Variants in MACROD2 observed in about 807,000 individuals in gnomAD.
MACROD2 encodes mono-ADP ribosylhydrolase 2, also known as ADP-ribose glycohydrolase MACROD2.
A neutral mutation model predicts 70.4 loss-of-function variants in MACROD2; 36 were observed. That is an observed-to-expected ratio of 0.51 (90% CI 0.39 to 0.68). The LOEUF (loss-of-function observed/expected upper bound fraction) is 0.68, where lower values mean the gene tolerates loss of function less well. Ranked by LOEUF, MACROD2 falls within the 30% of genes least tolerant of loss-of-function variation. MACROD2 has a pLI of 0.00. For synonymous variants in MACROD2, 172 were observed against 178.8 expected, an observed-to-expected ratio of 0.96 and a Z score of 0.30; for missense variants, 496 against 538.4, an observed-to-expected ratio of 0.92 and a Z score of 0.78.
intron 10 of MACROD2, among the ~76,000 whole-genome samples, chr20:15,906,989 G>A (rs2065157258): frequency 6.6e-6 from 1 of 152,216 alleles, no homozygotes; most frequent in South Asian, 2.1e-4. Flanking sequence ...AGTACCCCTT[G>A]TGGGAAGGCA....
At chr20:14,455,022 T>C (rs1196787970) in intron 3 of MACROD2, among the ~76,000 whole-genome samples, 1 of 151,000 alleles carries the variant, frequency 6.6e-6, no homozygotes, top group Non-Finnish European at 1.5e-5. Context: ...AATCTGTCTC[T>C]ACACTCTTTC....
intron 8 of MACROD2, among the ~76,000 whole-genome samples, chr20:15,685,612 C>T (rs1417450215): frequency 6.6e-6 from 1 of 152,208 alleles, no homozygotes; most frequent in Non-Finnish European, 1.5e-5. Context: ...TACTGACCCA[C>T]TCCTGCAGCT....
chr20:15,882,201 A>C (rs559835534), intron 9 of MACROD2, among the ~76,000 whole-genome samples: 39 of 152,278 alleles, frequency 2.6e-4, no homozygotes, highest in Non-Finnish European at 5.3e-4. Flanking sequence ...TTTAACATGC[A>C]TAAGCATGGG....
chr20:14,777,779 A>G (rs1743909633), intron 5 of MACROD2, among the ~76,000 whole-genome samples: 1 of 152,132 alleles, frequency 6.6e-6, no homozygotes, highest in South Asian at 2.1e-4. Flanking sequence ...AGTGTAAGGA[A>G]TGTGTGAGTT....
chr20:14,541,407 G>A (rs996066410), intron 4 of MACROD2, among the ~76,000 whole-genome samples: 4 of 151,832 alleles, frequency 2.6e-5, no homozygotes, highest in Non-Finnish European at 5.9e-5. Context: ...AGTCTTCTCC[G>A]ACCATCTCAT....
intron 10 of MACROD2, among the ~76,000 whole-genome samples, chr20:15,909,876 C>T (rs1288783354): frequency 1.3e-5 from 2 of 151,994 alleles, no homozygotes; most frequent in Non-Finnish European, 1.5e-5. Flanking sequence ...GAAGAAAATA[C>T]TGGAAATTAC....
chr20:15,940,335 A>G (rs1224074027), intron 12 of MACROD2, among the ~76,000 whole-genome samples: 4 of 151,460 alleles, frequency 2.6e-5, no homozygotes, highest in Non-Finnish European at 5.9e-5. Context: ...ACCTCAGGTG[A>G]TCCACCCGCC....
intron 2 of MACROD2, among the ~76,000 whole-genome samples, chr20:14,033,445 T>G (rs560015801): frequency 3.3e-5 from 5 of 152,326 alleles, no homozygotes; most frequent in Non-Finnish European, 7.4e-5. Context: ...TTGTAGATTC[T>G]ATTCTATTCA....
chr20:14,229,164 A>G (rs553418991), intron 3 of MACROD2, among the ~76,000 whole-genome samples: 1 of 152,328 alleles, frequency 6.6e-6, no homozygotes, highest in African/African-American at 2.4e-5. Context: ...TAGTTTGCTG[A>G]TGAGCTTCTT....
chr20:14,690,322 A>G (rs948995337), intron 5 of MACROD2, among the ~76,000 whole-genome samples: 1 of 152,228 alleles, frequency 6.6e-6, no homozygotes, highest in African/African-American at 2.4e-5. Context: ...CAAGGTTTTC[A>G]TTAATCATTT....
intron 5 of MACROD2, chr20:14,935,507 C>A (rs1249570910): frequency 1.3e-5 from 2 of 152,146 alleles, no homozygotes; most frequent in Non-Finnish European, 2.9e-5. Context: ...AAAACTCAGG[C>A]ATCTGGGATC....
chr20:14,736,950 T>C (rs2071672957), intron 5 of MACROD2, among the ~76,000 whole-genome samples: 1 of 152,124 alleles, frequency 6.6e-6, no homozygotes, highest in African/African-American at 2.4e-5. Flanking sequence ...CCATTGTCTT[T>C]TTTTTTAGAA....
intron 3 of MACROD2, among the ~76,000 whole-genome samples, chr20:14,310,606 T>G (rs1241530676): frequency 6.6e-6 from 1 of 152,182 alleles, no homozygotes; most frequent in Non-Finnish European, 1.5e-5. Context: ...AGTTTATGTA[T>G]TTACTATACT....
At chr20:15,698,136 T>C (rs1183414895) in intron 8 of MACROD2, among the ~76,000 whole-genome samples, 1 of 152,194 alleles carries the variant, frequency 6.6e-6, no homozygotes, top group African/African-American at 2.4e-5. Context: ...GTTTTTTGTT[T>C]TTGCTTGTAA....
intron 8 of MACROD2, among the ~76,000 whole-genome samples, chr20:15,514,084 T>C (rs1380873308): frequency 3.3e-5 from 5 of 152,228 alleles, no homozygotes. Context: ...TTTGTGCAGC[T>C]ATAAAATGTG....
chr20:14,021,803 G>A (rs1343015856), intron 2 of MACROD2, among the ~76,000 whole-genome samples: 8 of 152,186 alleles, frequency 5.3e-5, no homozygotes, highest in African/African-American at 1.9e-4. Flanking sequence ...CAGTGAAGAG[G>A]TGGTAGAGGT....
chr20:15,578,401 GA>G (rs2048477361), intron 8 of MACROD2, among the ~76,000 whole-genome samples: 1 of 152,190 alleles, frequency 6.6e-6, no homozygotes, highest in African/African-American at 2.4e-5. Flanking sequence ...CCTGCTTAAG[GA>G]AGATAGTAAT....
chr20:15,296,843 A>T (rs1600212707), intron 6 of MACROD2, among the ~76,000 whole-genome samples: 1 of 152,234 alleles, frequency 6.6e-6, no homozygotes, highest in East Asian at 1.9e-4. Flanking sequence ...AATGAATCTG[A>T]GGTGCTGGCA....
Position 14,522,265 on chromosome 20 carries a change from T to C in MACROD2, c.301+28757T>C, listed in dbSNP as rs528485484. ...AGATAGGTCCTCAACATTAGCAGGT[T>C]GGGTAGTGTAGTCAACTGCTGAAAA... On this transcript the variant is annotated intron_variant, in intron 4 of 17. Transcript: ENST00000684519. Among the ~76,000 whole-genome samples, 264 of 151,958 alleles carry C rather than the reference T, an allele frequency of 1.7e-3. 1 individual carries two copies. The highest frequency in any genetic ancestry group is 6.0e-3 in the African/African-American group (250 of 41,452).
Sources: allele counts gnomAD v4.1 joint callset (sites outside exome capture counted in the v4.1 genomes callset), GRCh38; gene constraint gnomAD v4.1.1; transcripts MANE v1.5; gene names NCBI Gene and HGNC (gene_info 2026-07-23, HGNC 2026-07-21).